The following KANK1 variants were observed in gnomAD, a reference collection of about 807,000 sequenced individuals.
The protein encoded by KANK1 is KN motif and ankyrin repeat domain-containing protein 1.
Under a neutral mutation model 106.2 loss-of-function variants are expected in KANK1, and 109 were observed. The observed-to-expected ratio is 1.03, with a 90% CI of 0.88 to 1.20. The LOEUF (loss-of-function observed/expected upper bound fraction) is 1.20. Among genes scored for constraint, KANK1 ranks in the 50% most tolerant of loss-of-function variants. The pLI, the probability that KANK1 is intolerant of heterozygous loss-of-function variation, is 0.00. For synonymous variants in KANK1, 873 were observed against 652.2 expected, an observed-to-expected ratio of 1.34 and a Z score of -5.16; for missense variants, 2,399 against 1,710.7, an observed-to-expected ratio of 1.40 and a Z score of -7.10.
At chr9:551,334 C>G (rs544520530) in intron 1 of KANK1, among the ~76,000 whole-genome samples, 1 of 152,030 alleles carries the variant, frequency 6.6e-6, no homozygotes, top group South Asian at 2.1e-4. Flanking sequence ...CAGAGTCAAT[C>G]TACTAGTTTG....
chr9:566,341 T>C (rs1034281039), intron 1 of KANK1, among the ~76,000 whole-genome samples: 5 of 152,242 alleles, frequency 3.3e-5, no homozygotes, highest in Non-Finnish European at 4.4e-5. Flanking sequence ...ATCTTTATGA[T>C]AGAATGATTT....
intron 2 of KANK1, among the ~76,000 whole-genome samples, chr9:691,214 T>A (rs944252828): frequency 6.6e-6 from 1 of 152,154 alleles, no homozygotes; most frequent in African/African-American, 2.4e-5. Context: ...TAGGGTCAGA[T>A]ACAAGCTACT....
intron 1 of KANK1, among the ~76,000 whole-genome samples, chr9:651,981 C>T (rs1162100415): frequency 2.0e-5 from 3 of 151,994 alleles, no homozygotes; most frequent in Non-Finnish European, 4.4e-5. Flanking sequence ...ATGTTCAAAG[C>T]AATAAATTTA....
At position 584,699 on chromosome 9, in the gene KANK1, G is replaced by A. The variant is rs549183607; in HGVS notation, c.-84+79945G>A. Among the ~76,000 whole-genome samples, 9 of 152,310 alleles carry A rather than the reference G, an allele frequency of 5.9e-5. No individual in the cohort carries two copies. The South Asian group carries it at 1.9e-3, about 32-fold the overall frequency. Reference sequence around the variant, plus strand: ...AACCAAAACCAGGCATGTGAGGATGGTGCTGGAAGAGAAAAGGCGGGAAGG... The same window carrying A: ...AACCAAAACCAGGCATGTGAGGATGATGCTGGAAGAGAAAAGGCGGGAAGG... On this transcript the variant is annotated intron_variant, in intron 1 of 11. Coordinates refer to ENST00000382297, the MANE Select transcript of KANK1 (RefSeq NM_015158.5).
chr9:670,955 T>TTTTG (rs1845752132), intron 1 of KANK1, among the ~76,000 whole-genome samples: 2 of 140,644 alleles, frequency 1.4e-5, no homozygotes, highest in African/African-American at 2.6e-5. Flanking sequence ...TGGAGTTTTT[T>TTTTG]TTTTTTTTTT....
chr9:703,278 C>G (rs904672256), intron 2 of KANK1, among the ~76,000 whole-genome samples: 2 of 152,068 alleles, frequency 1.3e-5, no homozygotes, highest in African/African-American at 4.8e-5. Context: ...AGGCATGAGT[C>G]TCCACTCATG....
chr9:577,677 T>C (rs1820944899), intron 1 of KANK1, among the ~76,000 whole-genome samples: 1 of 152,200 alleles, frequency 6.6e-6, no homozygotes. Flanking sequence ...GGAAACTTGG[T>C]AGAAGTACAC....
At chr9:607,922 T>C (rs72689674) in intron 1 of KANK1, among the ~76,000 whole-genome samples, 3,962 of 151,390 alleles carry the variant, frequency 0.026, 279 homozygotes, top group African/African-American at 0.092. Flanking sequence ...AATGTTCATT[T>C]TTCCTTGTGA....
At position 742,360 on chromosome 9, in the gene KANK1, G is replaced by C. The variant is rs1457695011; in HGVS notation, c.3852G>C (p.Lys1284Asn). The change falls in exon 10 of 12, where the codon AAG (lysine) becomes AAC (asparagine). Residue 1284 changes from lysine (K) to asparagine (N), a missense_variant. Transcript: ENST00000382297. ...AGCACGGACACGTGGAGATTGTCAA[G>C]CTGCTGCTGGCCCAGCCCGGCTGCA... ...ASEHGHVEIV[K>N]LLLAQPGCNG... is the part of the protein sequence containing the mutation. The C allele has an allele frequency of 6.2e-7, 1 of 1,613,836 alleles. No homozygotes were observed. The highest frequency in any genetic ancestry group is 2.2e-5 in the East Asian group (1 of 44,872).
chr9:641,652 T>C (rs1306540549), intron 1 of KANK1, among the ~76,000 whole-genome samples: 2 of 152,216 alleles, frequency 1.3e-5, no homozygotes, highest in Non-Finnish European at 2.9e-5. Flanking sequence ...GGAGGAATGA[T>C]TCAGTGAGAA....
chr9:548,706 C>T (rs1400932187), intron 1 of KANK1, among the ~76,000 whole-genome samples: 1 of 152,062 alleles, frequency 6.6e-6, no homozygotes, highest in Non-Finnish European at 1.5e-5. Context: ...CATAGTTTCT[C>T]TGGGAATTGA....
chr9:694,035 T>C (rs1231508454), intron 2 of KANK1, among the ~76,000 whole-genome samples: 1 of 152,200 alleles, frequency 6.6e-6, no homozygotes, highest in African/African-American at 2.4e-5. Context: ...ATTTGAGTTT[T>C]TGAGTTTAAG....
At chr9:571,285 C>CT (rs1248657205) in intron 1 of KANK1, among the ~76,000 whole-genome samples, 1 of 152,014 alleles carries the variant, frequency 6.6e-6, no homozygotes, top group Non-Finnish European at 1.5e-5. Flanking sequence ...CAGAGGAAGC[C>CT]TTTGCCAGAG....
At position 712,473 on chromosome 9, in the gene KANK1, G is replaced by C. The variant is rs769451030; in HGVS notation, c.1707G>C (p.Trp569Cys). 1.1e-5 allele frequency: 17 copies of C among 1,614,074 alleles called. No individual in the cohort carries two copies. The African/African-American group carries it at 2.0e-4, about 19-fold the overall frequency. Residue 569 changes from tryptophan to cysteine, a missense_variant, in exon 3 of 12, where the codon TGG becomes TGC. Coordinates refer to ENST00000382297, the MANE Select transcript of KANK1 (RefSeq NM_015158.5). ...GGCCTGAGCTGCCTATGAATTGGTGGATTGTTAAGGAGAGGGTGGAAATGC... is the reference window on the plus strand; with the variant it reads ...GGCCTGAGCTGCCTATGAATTGGTGCATTGTTAAGGAGAGGGTGGAAATGC... ...VVGPELPMNW[W>C]IVKERVEMHD... is the part of the protein sequence containing the mutation.
At chr9:527,277 C>G (rs1452266654) in intron 1 of KANK1, among the ~76,000 whole-genome samples, 1 of 149,676 alleles carries the variant, frequency 6.7e-6, no homozygotes, top group Non-Finnish European at 1.5e-5. Flanking sequence ...CTTTTGGTCT[C>G]TGGTTTTTGT....
intron 3 of KANK1, among the ~76,000 whole-genome samples, chr9:720,197 A>G (rs1014071838): frequency 1.3e-5 from 2 of 152,208 alleles, no homozygotes; most frequent in African/African-American, 4.8e-5. Context: ...GTTTGAGTTA[A>G]TGATAGAAGA....
intron 1 of KANK1, among the ~76,000 whole-genome samples, chr9:662,895 C>G (rs1170069181): frequency 1.3e-5 from 2 of 152,192 alleles, no homozygotes; most frequent in African/African-American, 4.8e-5. Context: ...CTCCTGACCT[C>G]AGGTGATCCA....
chr9:643,788 C>T (rs1839045761), intron 1 of KANK1, among the ~76,000 whole-genome samples: 1 of 150,300 alleles, frequency 6.7e-6, no homozygotes, highest in African/African-American at 2.5e-5. Flanking sequence ...CTGCAGGCTC[C>T]GCCTCCTGGG....
rs143946731 is a variant in KANK1, at chr9:712,830, G to A, written c.2064G>A (p.Thr688=). ...TGCACCAGTTCACCAACACCGAGAC[G>A]GCCACCCTCATAGAGTCCTGCACCA... ...EQVHQFTNTE[T]ATLIESCTNT... is the part of the protein sequence containing the mutation. The change falls in exon 3 of 12, where the codon ACG becomes ACA. Residue 688 remains threonine, a synonymous_variant. Coordinates refer to ENST00000382297, the MANE Select transcript of KANK1 (RefSeq NM_015158.5). 85 of 1,613,670 alleles carry A rather than the reference G, an allele frequency of 5.3e-5. No homozygotes were observed. The highest frequency in any genetic ancestry group is 9.4e-5 in the African/African-American group (7 of 74,858).
Sources: gnomAD v4.1 joint callset for allele counts (sites outside exome capture counted in the v4.1 genomes callset) on GRCh38, gnomAD v4.1.1 for gene constraint, MANE v1.5 for transcripts, NCBI Gene and HGNC (gene_info 2026-07-23, HGNC 2026-07-21) for gene names.